Variants in CRACDL observed in about 807,000 individuals in gnomAD.
CRACDL encodes the protein CRACD-like protein.
A neutral mutation model predicts 70.6 loss-of-function variants in CRACDL; 26 were observed. The observed-to-expected ratio is 0.37, with a 90% CI of 0.27 to 0.51. The LOEUF (loss-of-function observed/expected upper bound fraction) is 0.51. Ranked by LOEUF, CRACDL falls within the 20% of genes least tolerant of loss-of-function variation. CRACDL has a pLI of 0.94. For synonymous variants in CRACDL, 618 were observed against 615.2 expected (o/e 1.00, Z -0.07); for missense variants, 1,283 against 1,376.9 (o/e 0.93, Z 1.08).
chr2:98,828,225 C>T (rs904319646), intron 5 of CRACDL, among the ~76,000 whole-genome samples: 1 of 152,284 alleles, frequency 6.6e-6, no homozygotes, highest in African/African-American at 2.4e-5. Flanking sequence ...AAACTCGGAG[C>T]GCCTGTGAGC....
intron 1 of CRACDL, among the ~76,000 whole-genome samples, chr2:98,910,885 A>C (rs921306788): frequency 1.3e-5 from 2 of 152,242 alleles, no homozygotes; most frequent in Non-Finnish European, 2.9e-5. Context: ...GATGTAAATA[A>C]GGTGTTGAGC....
At chr2:98,901,237 G>A (rs983917179) in intron 1 of CRACDL, among the ~76,000 whole-genome samples, 4 of 152,176 alleles carry the variant, frequency 2.6e-5, no homozygotes, top group African/African-American at 9.7e-5. Context: ...CCATAGAAAG[G>A]GCTCAATAAA....
intron 1 of CRACDL, among the ~76,000 whole-genome samples, chr2:98,928,932 G>T (rs1230104078): frequency 6.6e-6 from 1 of 152,104 alleles, no homozygotes; most frequent in Non-Finnish European, 1.5e-5. Flanking sequence ...AATGATCACA[G>T]CTCAGAGACC....
At chr2:98,926,182 CA>C (rs1352851895) in intron 1 of CRACDL, among the ~76,000 whole-genome samples, 1 of 152,088 alleles carries the variant, frequency 6.6e-6, no homozygotes, top group Non-Finnish European at 1.5e-5. Context: ...TTTTAATTCA[CA>C]AAGGGAAGGT....
In CRACDL at chr2:98,822,841, T is replaced by C; in HGVS notation, c.1432A>G (p.Arg478Gly). 4 of 1,444,268 alleles carry C rather than the reference T, an allele frequency of 2.8e-6. No individual in the cohort carries two copies. Among genetic ancestry groups the C allele is most frequent in the Non-Finnish European group, 3.6e-6 (4 of 1,107,064 alleles). The allele number at this position is 1,444,268 out of a possible 1,614,324, so 89.5% of individuals were successfully genotyped here. ...PERGAGTEPERIGTEPSTAPA... is the reference protein window; with the variant it reads ...PERGAGTEPEGIGTEPSTAPA... ...GCCGTGGAGGGCTCGGTCCCAATTCTCTCGGGCTCGGTCCCCGCTCCTCTC... is the reference window on the plus strand; with the variant it reads ...GCCGTGGAGGGCTCGGTCCCAATTCCCTCGGGCTCGGTCCCCGCTCCTCTC... Residue 478 changes from arginine (R) to glycine (G), a missense_variant, in exon 7 of 10, where the codon AGA becomes GGA. Physicochemically the swap from Arg to Gly is moderately radical, Grantham distance 125. Coordinates refer to ENST00000397899, the MANE Select transcript of CRACDL (RefSeq NM_207362.3). This position sits in a 1 kb window ranked among gnomAD's most constrained non-coding sequence, Gnocchi z 4.9.
At chr2:98,795,077 A>ATATATATATTTTTTTTTTTTT in intron 9 of CRACDL, among the ~76,000 whole-genome samples, 17 of 58,464 alleles carry the variant, frequency 2.9e-4, no homozygotes, top group African/African-American at 7.3e-4. Context: ...ATATATATAT[A>ATATATATATTTTTTTTTTTTT]TTTTTTTTTT....
chr2:98,827,314 T>G lies in CRACDL; in HGVS notation c.541-145A>C, dbSNP rs1039578630. The G allele has an allele frequency of 1.3e-5, 8 of 620,068 alleles. No homozygotes were observed. In the South Asian group the frequency reaches 1.6e-4, roughly 12 times the overall value. 38.4% of individuals were successfully genotyped at this position (620,068 alleles called of 1,614,324 possible). ...GTGTGTGGAAATACTTTCTTTTTTT[T>G]TCCCCCAAGATGGAGTCTTGTTCTG... is the stretch of plus-strand genomic sequence containing the variant. On this transcript the variant is annotated intron_variant, in intron 5 of 9. Coordinates refer to ENST00000397899, the MANE Select transcript of CRACDL (RefSeq NM_207362.3).
rs1199306759 is a variant in CRACDL at position 98,811,516 on chromosome 2, C to CAA, written c.2416+10339_2416+10340dup. ...CTGGTGACAGAGCGAGACTCTGTCT[C>CAA]AAAAAAAAAAAAAAAAAAAAAAAGA... On this transcript the variant is annotated intron_variant, in intron 7 of 9. Transcript: ENST00000397899. Among the ~76,000 whole-genome samples, 453 of 48,624 alleles carry CAA rather than the reference C, an allele frequency of 9.3e-3. 9 individuals carry two copies. Among genetic ancestry groups the CAA allele is most frequent in the African/African-American group, 0.016 (187 of 11,904 alleles). The allele number at this position is 48,624 out of a possible 152,430, so 31.9% of individuals were successfully genotyped here.
At position 98,798,698 on chromosome 2, in the gene CRACDL, C is replaced by CT. The variant is rs963222523; in HGVS notation, c.2417-1162dup. On this transcript the variant is annotated intron_variant, in intron 7 of 9. Coordinates refer to ENST00000397899, the MANE Select transcript of CRACDL (RefSeq NM_207362.3). ...AGTGGCTTTTCTTTTCTTTTCTTTTCTTTTTTTTTTTGAGACAGGGTCTCA... is the reference window on the plus strand; with the variant it reads ...AGTGGCTTTTCTTTTCTTTTCTTTTCTTTTTTTTTTTTGAGACAGGGTCTCA... Among the ~76,000 whole-genome samples the CT allele has an allele frequency of 2.6e-3, 381 of 144,818 alleles. 2 individuals are homozygous for CT. The Middle Eastern group carries it at 0.04, about 15-fold the overall frequency.
At chr2:98,806,102 G>T (rs998256929) in intron 7 of CRACDL, among the ~76,000 whole-genome samples, 10 of 152,266 alleles carry the variant, frequency 6.6e-5, no homozygotes, top group African/African-American at 2.4e-4. Flanking sequence ...TATCCATCAT[G>T]GGGTGGGGTG....
intron 1 of CRACDL, among the ~76,000 whole-genome samples, chr2:98,930,142 G>A (rs575709250): frequency 3.9e-4 from 59 of 152,222 alleles, no homozygotes; most frequent in African/African-American, 1.4e-3. Context: ...ACACGACGGG[G>A]CGTATGTCTT....
At chr2:98,908,991 T>A (rs1708481597) in intron 1 of CRACDL, among the ~76,000 whole-genome samples, 1 of 152,210 alleles carries the variant, frequency 6.6e-6, no homozygotes, top group East Asian at 1.9e-4. Flanking sequence ...CCCAAACTTG[T>A]CTTGCCCAGC....
At chr2:98,875,851 A>G (rs1301744308) in intron 1 of CRACDL, among the ~76,000 whole-genome samples, 1 of 152,256 alleles carries the variant, frequency 6.6e-6, no homozygotes, top group African/African-American at 2.4e-5. Flanking sequence ...TGCCCCTGGT[A>G]GGCTGGCACT....
chr2:98,869,724 G>A (rs576506522), intron 1 of CRACDL, among the ~76,000 whole-genome samples: 6 of 152,170 alleles, frequency 3.9e-5, no homozygotes, highest in Admixed American at 1.3e-4. Context: ...ATCTCAGTGC[G>A]AGGGACCCTG....
chr2:98,821,827 G>A, intron 7 of CRACDL, 30 bp downstream of exon 7: 1 of 1,604,064 alleles, frequency 6.2e-7, no homozygotes, highest in Non-Finnish European at 8.5e-7. Context: ...CCCAGGCCCT[G>A]CCCTTCCCGC....
At chr2:98,803,415 G>A (rs1381985178) in intron 7 of CRACDL, among the ~76,000 whole-genome samples, 5 of 152,146 alleles carry the variant, frequency 3.3e-5, no homozygotes, top group Non-Finnish European at 5.9e-5. Flanking sequence ...TGGGATTATG[G>A]GTGGGAGCCA....
At chr2:98,855,939 A>T (rs2104560133) in intron 1 of CRACDL, among the ~76,000 whole-genome samples, 1 of 152,346 alleles carries the variant, frequency 6.6e-6, no homozygotes, top group East Asian at 1.9e-4. Context: ...GAGATTATGC[A>T]ATTTGAAGGA....
At chr2:98,886,386 C>A (rs1207117801) in intron 1 of CRACDL, among the ~76,000 whole-genome samples, 2 of 152,206 alleles carry the variant, frequency 1.3e-5, no homozygotes, top group Admixed American at 1.3e-4. Flanking sequence ...TTGGGGCAAA[C>A]AACAGATTGT....
intron 1 of CRACDL, among the ~76,000 whole-genome samples, chr2:98,922,739 C>T (rs1708833471): frequency 6.6e-6 from 1 of 152,188 alleles, no homozygotes; most frequent in Non-Finnish European, 1.5e-5. Context: ...GACATGCCTG[C>T]AAGGGTCCGA....
Sources: gnomAD v4.1 joint callset for allele counts (sites outside exome capture counted in the v4.1 genomes callset) on GRCh38, gnomAD v4.1.1 for gene constraint, Gnocchi (gnomAD v3.1) non-coding constraint, MANE v1.5 for transcripts, NCBI Gene and HGNC (gene_info 2026-07-23, HGNC 2026-07-21) for gene names.